Variants in SLC9A9 observed in about 807,000 individuals in gnomAD.
The protein encoded by SLC9A9 is solute carrier family 9 member A9, also known as sodium/hydrogen exchanger 9.
SLC9A9 carries 62 observed loss-of-function variants against 77.8 expected under a neutral mutation model. That is an observed-to-expected ratio of 0.80 (90% CI 0.65 to 0.98). The LOEUF (loss-of-function observed/expected upper bound fraction) is 0.98. SLC9A9 is among the 50% of genes least tolerant of loss of function. SLC9A9 has a pLI of 0.00. For synonymous variants in SLC9A9, 320 were observed against 283.5 expected, an observed-to-expected ratio of 1.13 and a Z score of -1.29; for missense variants, 775 against 774.9, an observed-to-expected ratio of 1.00 and a Z score of 0.00.
chr3:143,731,351 C>T (rs984741118), intron 4 of SLC9A9, among the ~76,000 whole-genome samples: 1 of 152,198 alleles, frequency 6.6e-6, no homozygotes, highest in African/African-American at 2.4e-5. Flanking sequence ...ATATACACAC[C>T]TAACTAAGGT....
intron 6 of SLC9A9, among the ~76,000 whole-genome samples, chr3:143,588,215 T>G (rs931635404): frequency 6.6e-6 from 1 of 152,188 alleles, no homozygotes; most frequent in African/African-American, 2.4e-5. Context: ...AGAGTTATAA[T>G]GTGGCCTCAA....
chr3:143,452,111 G>T (rs994676282), intron 12 of SLC9A9, among the ~76,000 whole-genome samples: 10 of 151,852 alleles, frequency 6.6e-5, no homozygotes, highest in Admixed American at 2.6e-4. Context: ...AAAAACAGTG[G>T]GTAAAAGATT....
At chr3:143,717,444 C>T (rs76931629) in intron 4 of SLC9A9, among the ~76,000 whole-genome samples, 5 of 152,104 alleles carry the variant, frequency 3.3e-5, no homozygotes, top group African/African-American at 7.3e-5. Flanking sequence ...TGTTAGAATT[C>T]GTGGCTGACA....
At chr3:143,693,660 G>A (rs1417704137) in intron 4 of SLC9A9, among the ~76,000 whole-genome samples, 1 of 152,162 alleles carries the variant, frequency 6.6e-6, no homozygotes, top group Admixed American at 6.6e-5. Flanking sequence ...TAAATTGATT[G>A]CTTTTCAGTT....
chr3:143,695,470 A>T (rs1038979309), intron 4 of SLC9A9, among the ~76,000 whole-genome samples: 3 of 152,094 alleles, frequency 2.0e-5, no homozygotes, highest in African/African-American at 2.4e-5. Flanking sequence ...TTTGCTGAGA[A>T]TGATGGTTTC....
At chr3:143,500,915 G>T (rs1385375291) in intron 9 of SLC9A9, among the ~76,000 whole-genome samples, 1 of 150,054 alleles carries the variant, frequency 6.7e-6, no homozygotes, top group Non-Finnish European at 1.5e-5. Flanking sequence ...TATAATATTT[G>T]GGAAAAAAGA....
chr3:143,349,753 G>C (rs560249567), intron 14 of SLC9A9, among the ~76,000 whole-genome samples: 1 of 152,186 alleles, frequency 6.6e-6, no homozygotes, highest in Non-Finnish European at 1.5e-5. Context: ...CATAACATCA[G>C]TTAACCTGGC....
At chr3:143,625,003 T>G (rs904724123) in intron 6 of SLC9A9, among the ~76,000 whole-genome samples, 5 of 152,114 alleles carry the variant, frequency 3.3e-5, no homozygotes, top group Non-Finnish European at 7.4e-5. Context: ...ATGAGTGAAC[T>G]CCCATTCACA....
chr3:143,331,807 A>G (rs2031779878), intron 14 of SLC9A9, among the ~76,000 whole-genome samples: 1 of 152,240 alleles, frequency 6.6e-6, no homozygotes, highest in Non-Finnish European at 1.5e-5. Flanking sequence ...GTAAACATAG[A>G]GTAAATTACC....
intron 4 of SLC9A9, among the ~76,000 whole-genome samples, chr3:143,714,716 T>C (rs2108798741): frequency 6.6e-6 from 1 of 152,356 alleles, no homozygotes; most frequent in Middle Eastern, 3.4e-3. Flanking sequence ...GGCTGATCTA[T>C]ATGGGCTCCA....
At chr3:143,367,329 TA>T (rs1429173920) in intron 13 of SLC9A9, among the ~76,000 whole-genome samples, 1 of 152,250 alleles carries the variant, frequency 6.6e-6, no homozygotes, top group African/African-American at 2.4e-5. Context: ...CTAATTAGAA[TA>T]AAACATCTGT....
At chr3:143,700,903 G>A (rs1560038869) in intron 4 of SLC9A9, among the ~76,000 whole-genome samples, 4 of 152,198 alleles carry the variant, frequency 2.6e-5, no homozygotes, top group Admixed American at 2.0e-4. Context: ...CATTGGTGGT[G>A]GCCACAGGGG....
chr3:143,770,386 C>G (rs1156826938), intron 4 of SLC9A9, among the ~76,000 whole-genome samples: 3 of 151,876 alleles, frequency 2.0e-5, no homozygotes, highest in South Asian at 2.1e-4. Context: ...ACTAATGGAC[C>G]AAAATAAATG....
chr3:143,286,218 G>A (rs550253114), intron 14 of SLC9A9, among the ~76,000 whole-genome samples: 1 of 152,266 alleles, frequency 6.6e-6, no homozygotes, highest in East Asian at 1.9e-4. Flanking sequence ...CTGATTTTAA[G>A]AGTGCTTTCG....
At chr3:143,786,500 G>A (rs2108851531) in intron 4 of SLC9A9, among the ~76,000 whole-genome samples, 1 of 152,196 alleles carries the variant, frequency 6.6e-6, no homozygotes, top group East Asian at 1.9e-4. Context: ...AGCTCTGACG[G>A]CTTCACCTCT....
chr3:143,421,545 A>G (rs1216826370), intron 12 of SLC9A9, among the ~76,000 whole-genome samples: 1 of 152,202 alleles, frequency 6.6e-6, no homozygotes, highest in Non-Finnish European at 1.5e-5. Context: ...GACTAGCTAC[A>G]TGCAAAAGAA....
chr3:143,294,174 G>A (rs564634641), intron 14 of SLC9A9, among the ~76,000 whole-genome samples: 105 of 151,982 alleles, frequency 6.9e-4, no homozygotes, highest in Non-Finnish European at 2.4e-4. Flanking sequence ...GCCAAATACA[G>A]TATTGATTTT....
At chr3:143,474,485 T>C (rs2035433646) in intron 11 of SLC9A9, among the ~76,000 whole-genome samples, 1 of 152,056 alleles carries the variant, frequency 6.6e-6, no homozygotes, top group African/African-American at 2.4e-5. Flanking sequence ...CCACTGATGA[T>C]AGCACGGCAG....
At chr3:143,409,078 A>G (rs897386851) in intron 12 of SLC9A9, among the ~76,000 whole-genome samples, 4 of 152,224 alleles carry the variant, frequency 2.6e-5, no homozygotes, top group African/African-American at 9.6e-5. Context: ...TCTCAGAACT[A>G]CTTTGGATAT....
Sources: gnomAD v4.1 joint callset for allele counts (sites outside exome capture counted in the v4.1 genomes callset) on GRCh38, gnomAD v4.1.1 for gene constraint, MANE v1.5 for transcripts, NCBI Gene and HGNC (gene_info 2026-07-23, HGNC 2026-07-21) for gene names.